DCAF6: variants seen among roughly 807,000 people sequenced by gnomAD.
DCAF6 encodes the protein DDB1- and CUL4-associated factor 6.
DCAF6 carries 54 observed loss-of-function variants against 125.1 expected under a neutral mutation model. The observed-to-expected ratio is 0.43, with a 90% CI of 0.35 to 0.54. The LOEUF (loss-of-function observed/expected upper bound fraction) is 0.54. Among genes scored for constraint, DCAF6 ranks in the 20% least tolerant of loss-of-function variants. The probability of loss-of-function intolerance (pLI) is 0.01; values close to 1 mark genes in which losing one functional copy is unlikely to be tolerated. For missense variants in DCAF6, 934 were observed against 1,161.7 expected, an observed-to-expected ratio of 0.80 and a Z score of 2.85; for synonymous variants, 371 against 390.4, an observed-to-expected ratio of 0.95 and a Z score of 0.58.
the DCAF6 span, among the ~76,000 whole-genome samples, chr1:167,884,761 G>A: frequency 4.7e-5 from 7 of 148,238 alleles, no homozygotes; most frequent in African/African-American, 1.2e-4. Flanking sequence ...GCAGTGGCGC[G>A]ATCTCGGCTC....
At chr1:167,935,685 G>A (rs1221905860), upstream of DCAF6, 6 of 1,489,264 alleles carry the variant, frequency 4.0e-6, no homozygotes, top group Non-Finnish European at 5.5e-6. Flanking sequence ...CCATTTTAGA[G>A]GAAGCGAGAA....
intron 16 of DCAF6, among the ~76,000 whole-genome samples, chr1:168,046,716 G>A (rs184151007): frequency 2.5e-4 from 38 of 152,196 alleles, no homozygotes; most frequent in Non-Finnish European, 4.7e-4. Flanking sequence ...GATGAGGTTA[G>A]CAAGCTTAGC....
chr1:167,895,576 G>A, the DCAF6 span, among the ~76,000 whole-genome samples: 346 of 152,308 alleles, frequency 2.3e-3, 1 homozygote, highest in African/African-American at 8.0e-3. Context: ...AATATTAGAT[G>A]CCTATTTGAC....
chr1:168,024,101 C>T (rs980934486), intron 12 of DCAF6: 1 of 151,366 alleles, frequency 6.6e-6, no homozygotes, highest in Non-Finnish European at 1.5e-5. Context: ...CCTGTAGTCC[C>T]AGCTAATAGG....
chr1:167,923,477 T>C, the DCAF6 span, among the ~76,000 whole-genome samples: 1 of 152,086 alleles, frequency 6.6e-6, no homozygotes, highest in Non-Finnish European at 1.5e-5. Context: ...TCCATTTACA[T>C]GAGGTACTTA....
chr1:167,879,005 G>A, the DCAF6 span, among the ~76,000 whole-genome samples: 7 of 152,160 alleles, frequency 4.6e-5, no homozygotes, highest in Non-Finnish European at 8.8e-5. Flanking sequence ...TGGGCCTGGG[G>A]TACTGATCTC....
chr1:167,865,888 C>T, the DCAF6 span, among the ~76,000 whole-genome samples: 1 of 152,192 alleles, frequency 6.6e-6, no homozygotes, highest in South Asian at 2.1e-4. Context: ...TAGCTCTTTT[C>T]CAGGATTCTA....
chr1:168,023,308 G>C (rs375372242), intron 12 of DCAF6: 5 of 533,434 alleles, frequency 9.4e-6, no homozygotes, highest in African/African-American at 5.6e-5. Context: ...AATTATAATG[G>C]ATACAAACTA....
At chr1:168,023,556 C>G in intron 12 of DCAF6, 1 of 159,846 alleles carries the variant, frequency 6.3e-6, no homozygotes, top group Non-Finnish European at 1.4e-5. Context: ...CAAAAGCTGT[C>G]AGTCAGAAGC....
the DCAF6 span, among the ~76,000 whole-genome samples, chr1:167,927,621 C>T: frequency 5.9e-5 from 9 of 152,144 alleles, no homozygotes; most frequent in Non-Finnish European, 1.2e-4. Context: ...TGAGTAAAGC[C>T]TCTAGATTCT....
chr1:167,953,926 C>G (rs1010185547), intron 2 of DCAF6, among the ~76,000 whole-genome samples: 1 of 151,888 alleles, frequency 6.6e-6, no homozygotes, highest in Non-Finnish European at 1.5e-5. Context: ...TTAAACATAC[C>G]TTTGTTCTCT....
In DCAF6 at chr1:168,045,196, G is replaced by T; in HGVS notation, c.2227G>T (p.Gly743Cys). Residue 743 changes from glycine (G) to cysteine (C), a missense_variant, in exon 16 of 22, where the codon GGT becomes TGT. Transcript: ENST00000367840. ...TGATGATGACCCAGTCCTGATCCCA[G>T]GTGCAAGGTATCGAGCAGGACCTGG... Reference protein sequence around the residue: ...DSDDDPVLIPGARYRAGPGDR... With the variant: ...DSDDDPVLIPCARYRAGPGDR... The T allele has an allele frequency of 6.2e-7, 1 of 1,613,140 alleles. No homozygotes were observed. Among genetic ancestry groups the T allele is most frequent in the East Asian group, 2.2e-5 (1 of 44,874 alleles).
intron 10 of DCAF6, among the ~76,000 whole-genome samples, chr1:168,008,318 C>G (rs1683650599): frequency 6.6e-6 from 1 of 152,124 alleles, no homozygotes; most frequent in Admixed American, 6.5e-5. Flanking sequence ...CTTAATGCAG[C>G]CTCCTACCCT....
chr1:167,982,486 C>T (rs1482328617), intron 4 of DCAF6, among the ~76,000 whole-genome samples: 1 of 152,194 alleles, frequency 6.6e-6, no homozygotes, highest in Non-Finnish European at 1.5e-5. Flanking sequence ...CATGATCTGC[C>T]TGCCTCAGCC....
At chr1:167,960,711 AAATTTGTT>A (rs1266292610) in intron 2 of DCAF6, among the ~76,000 whole-genome samples, 1 of 152,138 alleles carries the variant, frequency 6.6e-6, no homozygotes, top group Non-Finnish European at 1.5e-5. Context: ...TTATTCTTTT[AAATTTGTT>A]AAAGTGTATT....
upstream of DCAF6, among the ~76,000 whole-genome samples, chr1:167,934,337 T>C (rs946919440): frequency 7.2e-5 from 11 of 152,324 alleles, no homozygotes; most frequent in Non-Finnish European, 1.6e-4. Flanking sequence ...AAGGTCAGGG[T>C]TGACTTCACA....
intron 1 of DCAF6, among the ~76,000 whole-genome samples, chr1:167,942,221 T>C (rs930682965): frequency 1.3e-5 from 2 of 150,480 alleles, no homozygotes; most frequent in African/African-American, 4.9e-5. Context: ...TGCGCCACCA[T>C]GCCCAGCTAA....
At chr1:167,938,146 C>T (rs1671622819) in intron 1 of DCAF6, among the ~76,000 whole-genome samples, 1 of 152,166 alleles carries the variant, frequency 6.6e-6, no homozygotes, top group African/African-American at 2.4e-5. Flanking sequence ...TGATCCCTCC[C>T]ATTCAATTTC....
chr1:167,871,945 C>T, the DCAF6 span, among the ~76,000 whole-genome samples: 1 of 152,200 alleles, frequency 6.6e-6, no homozygotes, highest in African/African-American at 2.4e-5. Context: ...CATAGCTGCA[C>T]ACCAACATGG....
Sources: allele counts gnomAD v4.1 joint callset (sites outside exome capture counted in the v4.1 genomes callset), GRCh38; gene constraint gnomAD v4.1.1; transcripts MANE v1.5; gene names NCBI Gene and HGNC (gene_info 2026-07-23, HGNC 2026-07-21).